The following ADAM10 variants were observed in gnomAD, a reference collection of about 807,000 sequenced individuals.
The protein encoded by ADAM10 is ADAM metallopeptidase domain 10.
ADAM10 carries 17 observed loss-of-function variants against 90.1 expected under a neutral mutation model. The ratio of observed to expected loss-of-function variants is 0.19; its 90% confidence interval spans 0.13 to 0.28. ADAM10 has a LOEUF of 0.28. Ranked by LOEUF, ADAM10 falls within the 10% of genes least tolerant of loss-of-function variation. ADAM10 has a pLI of 1.00. For missense variants in ADAM10, 610 were observed against 914.3 expected, an observed-to-expected ratio of 0.67 and a Z score of 4.29; for synonymous variants, 310 against 298.6, an observed-to-expected ratio of 1.04 and a Z score of -0.40.
intron 1 of ADAM10, among the ~76,000 whole-genome samples, chr15:58,743,607 CTTTT>C (rs1241862806): frequency 1.2e-4 from 18 of 144,560 alleles, no homozygotes; most frequent in Non-Finnish European, 2.0e-4. Context: ...AAACAAAATA[CTTTT>C]TTTTTTTTTT....
chr15:58,631,122 T>C (rs1407913669), intron 9 of ADAM10, among the ~76,000 whole-genome samples: 1 of 152,050 alleles, frequency 6.6e-6, no homozygotes, highest in East Asian at 1.9e-4. Flanking sequence ...TTGCCCTCCA[T>C]CATAAGTGGA....
intron 2 of ADAM10, chr15:58,691,335 C>G: frequency 8.7e-7 from 1 of 1,143,524 alleles, no homozygotes; most frequent in African/African-American, 1.5e-5. Context: ...CTGCTGCACA[C>G]AGTACTCATC....
rs1345883067 is a variant in ADAM10 at position 58,594,831 on chromosome 15, A to G, written c.*2716T>C. The stretch of plus-strand genomic sequence containing the variant: ...CATAATATACATTTGATGCTCCTAA[A>G]TTAACAAAGTAATTCACAAAGTATT... On this transcript the variant is annotated 3_prime_UTR_variant, in exon 16 of 16. Transcript: ENST00000260408. The G allele has an allele frequency of 6.6e-6, 1 of 152,196 alleles. No individual in the cohort carries two copies. The highest frequency in any genetic ancestry group is 2.4e-5 in the African/African-American group (1 of 41,464). 9.4% of individuals were successfully genotyped at this position (152,196 alleles called of 1,614,324 possible). A position where few individuals can be genotyped will look rare whatever the true frequency, so the allele number is the denominator to read the frequency against.
chr15:58,610,237 C>A, intron 14 of ADAM10, 60 bp downstream of exon 14: 7 of 1,442,668 alleles, frequency 4.9e-6, no homozygotes, highest in Non-Finnish European at 5.8e-6. Context: ...TGACTTCTGG[C>A]CAAGTAAAAT....
intron 11 of ADAM10, among the ~76,000 whole-genome samples, chr15:58,619,797 G>C (rs1383369603): frequency 6.6e-6 from 1 of 151,860 alleles, no homozygotes; most frequent in Admixed American, 6.6e-5. Context: ...CCAGCTACTT[G>C]GGAGGCTGAG....
rs1429158014 is a variant in ADAM10, at chr15:58,596,149, GCCT to G, written c.*1395_*1397del. On this transcript the variant is annotated 3_prime_UTR_variant, in exon 16 of 16. Transcript: ENST00000260408. The stretch of plus-strand genomic sequence containing the variant: ...AATCTTTACAACTTTCTCTAAATTT[GCCT>G]CCTATGTGAAGTCAGGAAAATCATA... 6.6e-6 allele frequency: 1 copy of G among 150,652 alleles called. No individual in the cohort carries two copies. The highest frequency in any genetic ancestry group is 1.5e-5 in the Non-Finnish European group (1 of 67,784). 9.3% of individuals were successfully genotyped at this position (150,652 alleles called of 1,614,324 possible). A position where few individuals can be genotyped will look rare whatever the true frequency, so the allele number is the denominator to read the frequency against.
intron 4 of ADAM10, among the ~76,000 whole-genome samples, chr15:58,667,940 G>C (rs1897114784): frequency 1.3e-5 from 2 of 151,970 alleles, no homozygotes; most frequent in African/African-American, 4.8e-5. Context: ...GAAAAGCACA[G>C]AGTGATTGTC....
In ADAM10 at chr15:58,657,177, G is replaced by T. The variant is rs148789928; in HGVS notation, c.585+7920C>A. On this transcript the variant is annotated intron_variant, in intron 5 of 15. Coordinates refer to ENST00000260408, the MANE Select transcript of ADAM10 (RefSeq NM_001110.4). ...AAATGCCTTGAGTTAGTCTTCATTG[G>T]GTTAAATACGCTTGGTGCTTCATAA... 5.0e-3 allele frequency among the ~76,000 whole-genome samples: 757 copies of T among 152,044 alleles called. 7 individuals are homozygous for T. Among genetic ancestry groups the T allele is most frequent in the African/African-American group, 0.017 (716 of 41,450 alleles).
At chr15:58,738,070 G>C (rs564272006) in intron 1 of ADAM10, among the ~76,000 whole-genome samples, 1 of 152,280 alleles carries the variant, frequency 6.6e-6, no homozygotes, top group East Asian at 1.9e-4. Flanking sequence ...GAGGATATAA[G>C]AGTAAGCTAA....
intron 10 of ADAM10, among the ~76,000 whole-genome samples, chr15:58,626,149 C>CAA (rs11433151): frequency 1.3e-4 from 18 of 137,926 alleles, no homozygotes; most frequent in African/African-American, 3.9e-4. Flanking sequence ...GAAATGAGAA[C>CAA]AAAAAAAAAA....
At chr15:58,622,106 C>T (rs1349053574) in intron 10 of ADAM10, among the ~76,000 whole-genome samples, 1 of 152,204 alleles carries the variant, frequency 6.6e-6, no homozygotes, top group Non-Finnish European at 1.5e-5. Flanking sequence ...ATATGCTGTT[C>T]TTGTCTCACT....
At chr15:58,671,672 G>A (rs754308153) in intron 4 of ADAM10, among the ~76,000 whole-genome samples, 13 of 152,158 alleles carry the variant, frequency 8.5e-5, no homozygotes, top group Non-Finnish European at 1.5e-4. Context: ...TCAAGAGCTC[G>A]AGACCAGCCT....
At chr15:58,702,538 T>C (rs1320576905) in intron 2 of ADAM10, among the ~76,000 whole-genome samples, 1 of 152,242 alleles carries the variant, frequency 6.6e-6, no homozygotes, top group Non-Finnish European at 1.5e-5. Context: ...TCATTTCACA[T>C]TGTATGCATG....
chr15:58,622,249 G>T (rs1393695112), intron 10 of ADAM10, among the ~76,000 whole-genome samples: 4 of 152,048 alleles, frequency 2.6e-5, no homozygotes, highest in South Asian at 2.1e-4. Context: ...TAATAACCAT[G>T]ATCATATCTA....
chr15:58,700,061 T>C (rs1252396000), intron 2 of ADAM10, among the ~76,000 whole-genome samples: 2 of 152,046 alleles, frequency 1.3e-5, no homozygotes, highest in African/African-American at 4.8e-5. Context: ...GCTAAATATA[T>C]ATGCACCCAA....
At chr15:58,614,111 G>C (rs372695725) in intron 11 of ADAM10, among the ~76,000 whole-genome samples, 1 of 151,946 alleles carries the variant, frequency 6.6e-6, no homozygotes, top group African/African-American at 2.4e-5. Flanking sequence ...TTGAAACCCC[G>C]TCTCTACTAA....
chr15:58,649,317 A>G (rs1214525125), intron 5 of ADAM10, among the ~76,000 whole-genome samples: 2 of 152,140 alleles, frequency 1.3e-5, no homozygotes, highest in African/African-American at 2.4e-5. Flanking sequence ...TTCTCACTCC[A>G]ATTTTAACTC....
intron 2 of ADAM10, among the ~76,000 whole-genome samples, chr15:58,709,100 T>C (rs1235275850): frequency 6.6e-6 from 1 of 152,148 alleles, no homozygotes; most frequent in Non-Finnish European, 1.5e-5. Flanking sequence ...CTAAACATAT[T>C]CAACACAGTT....
chr15:58,731,333 G>A (rs1475994309), intron 1 of ADAM10, among the ~76,000 whole-genome samples: 1 of 152,094 alleles, frequency 6.6e-6, no homozygotes, highest in Non-Finnish European at 1.5e-5. Flanking sequence ...AAGTATATGG[G>A]AGGGGCCAGG....
Sources: allele counts gnomAD v4.1 joint callset (sites outside exome capture counted in the v4.1 genomes callset), GRCh38; gene constraint gnomAD v4.1.1; transcripts MANE v1.5; gene names NCBI Gene and HGNC (gene_info 2026-07-23, HGNC 2026-07-21).